PSEN1: variants seen among roughly 807,000 people sequenced by gnomAD.
The protein encoded by PSEN1 is presenilin 1.
Under a neutral mutation model 53.5 loss-of-function variants are expected in PSEN1, and 15 were observed. That is an observed-to-expected ratio of 0.28 (90% CI 0.19 to 0.43). The LOEUF (loss-of-function observed/expected upper bound fraction) is 0.43, where lower values mean the gene tolerates loss of function less well. Ranked by LOEUF, PSEN1 falls within the 20% of genes least tolerant of loss-of-function variation. PSEN1 has a pLI of 1.00. For missense variants in PSEN1, 387 were observed against 571.2 expected, an observed-to-expected ratio of 0.68 and a Z score of 3.29; for synonymous variants, 208 against 209.8, an observed-to-expected ratio of 0.99 and a Z score of 0.08.
Position 73,182,360 on chromosome 14 carries a change from G to A in PSEN1, c.481-4493G>A, listed in dbSNP as rs1330896360. Among the ~76,000 whole-genome samples, 4 of 151,986 alleles carry A rather than the reference G, an allele frequency of 2.6e-5. No individual in the cohort carries two copies. In the East Asian group the frequency reaches 7.7e-4, roughly 29 times the overall value. ...ATTAAAAAATTAGCCAGGCATGGTG[G>A]TGTACCCACGCCTATAGTCCTAGGT... On this transcript the variant is annotated intron_variant, in intron 5 of 11. Transcript: ENST00000324501.
chr14:73,159,982 C>G (rs572666729), intron 3 of PSEN1: 6 of 205,138 alleles, frequency 2.9e-5, no homozygotes, highest in Non-Finnish European at 6.6e-5. Flanking sequence ...TCTATCATGC[C>G]TCGCTAATTT....
At chr14:73,145,610 G>A (rs1318932562) in intron 1 of PSEN1, among the ~76,000 whole-genome samples, 20 of 152,202 alleles carry the variant, frequency 1.3e-4, no homozygotes, top group Admixed American at 1.3e-3. Flanking sequence ...ACAGTGCTGG[G>A]ATTACAGGCA....
intron 7 of PSEN1, chr14:73,197,634 C>T (rs1377645410): frequency 9.9e-6 from 2 of 201,352 alleles, no homozygotes; most frequent in South Asian, 1.7e-4. Flanking sequence ...TAGTTCATAT[C>T]CGTGATTAGT....
intron 9 of PSEN1, among the ~76,000 whole-genome samples, 183 bp downstream of exon 9, chr14:73,206,655 A>G (rs1899467713): frequency 1.3e-5 from 2 of 152,178 alleles, no homozygotes; most frequent in South Asian, 2.1e-4. Context: ...TCAAAACCCA[A>G]CAATACAGTC....
intron 7 of PSEN1, among the ~76,000 whole-genome samples, chr14:73,194,397 C>T (rs1249198858): frequency 6.6e-6 from 1 of 152,030 alleles, no homozygotes; most frequent in Non-Finnish European, 1.5e-5. Flanking sequence ...GATAGAACTA[C>T]AGGCATGCAC....
intron 8 of PSEN1, among the ~76,000 whole-genome samples, chr14:73,198,890 C>T (rs1372826869): frequency 6.6e-6 from 1 of 152,166 alleles, no homozygotes; most frequent in Admixed American, 6.6e-5. Flanking sequence ...CCACCCACCT[C>T]AGCCTCCCGA....
At chr14:73,211,637 G>GC (rs1436109308) in intron 9 of PSEN1, 132 bp from the exon 10 acceptor site, 1 of 907,848 alleles carries the variant, frequency 1.1e-6, no homozygotes, top group Middle Eastern at 2.9e-4. Context: ...AGCAGGCACT[G>GC]CTACAGCCCA....
At chr14:73,182,369 C>T (rs1196033771) in intron 5 of PSEN1, among the ~76,000 whole-genome samples, 1 of 151,770 alleles carries the variant, frequency 6.6e-6, no homozygotes, top group South Asian at 2.1e-4. Context: ...GGTGTACCCA[C>T]GCCTATAGTC....
intron 3 of PSEN1, among the ~76,000 whole-genome samples, chr14:73,148,832 C>G (rs1897141325): frequency 6.6e-6 from 1 of 152,096 alleles, no homozygotes; most frequent in Non-Finnish European, 1.5e-5. Flanking sequence ...ACTCAGGAGG[C>G]TGAGCCAGGA....
chr14:73,214,774 T>C (rs1899843743), intron 10 of PSEN1, among the ~76,000 whole-genome samples: 1 of 151,614 alleles, frequency 6.6e-6, no homozygotes, highest in Non-Finnish European at 1.5e-5. Context: ...TTGCCAGGGG[T>C]TAAGGGGAGG....
chr14:73,209,029 C>T, intron 9 of PSEN1: 1 of 350,646 alleles, frequency 2.9e-6, no homozygotes. Flanking sequence ...CAAGCGCCCG[C>T]ACACCCGGCC....
intron 5 of PSEN1, 39 bp downstream of exon 5, chr14:73,173,746 C>G (rs200192050): frequency 6.2e-7 from 1 of 1,607,390 alleles, no homozygotes; most frequent in Admixed American, 1.7e-5. Context: ...CCACCCTGTT[C>G]TTCTTATGGT....
chr14:73,215,454 A>G (rs1899874487), intron 10 of PSEN1, among the ~76,000 whole-genome samples: 1 of 151,742 alleles, frequency 6.6e-6, no homozygotes, highest in Non-Finnish European at 1.5e-5. Flanking sequence ...GTGGTGGCGC[A>G]TGTCTGTAAT....
chr14:73,140,431 G>A (rs539401985), intron 1 of PSEN1, among the ~76,000 whole-genome samples: 1 of 151,782 alleles, frequency 6.6e-6, no homozygotes, highest in African/African-American at 2.4e-5. Flanking sequence ...GGCTGGTCTC[G>A]AACTCCTGAC....
intron 3 of PSEN1, among the ~76,000 whole-genome samples, chr14:73,151,878 T>TTTTATATATATATATATATATATATATA (rs1321315363): frequency 1.2e-4 from 7 of 56,926 alleles, no homozygotes; most frequent in African/African-American, 6.4e-4. Context: ...CTAAAATATT[T>TTTTATATATATATATATATATATATATA]TATATATATA....
chr14:73,191,380 T>G (rs1898707589), intron 6 of PSEN1, among the ~76,000 whole-genome samples: 2 of 152,042 alleles, frequency 1.3e-5, no homozygotes, highest in South Asian at 4.2e-4. Flanking sequence ...AATGTATTTG[T>G]ATATATGTGT....
chr14:73,160,023 C>T, intron 3 of PSEN1: 1 of 240,960 alleles, frequency 4.2e-6, no homozygotes. Flanking sequence ...GAGTTCTCGC[C>T]ATATTGGCCA....
chr14:73,174,840 A>T (rs1471079795), intron 5 of PSEN1, among the ~76,000 whole-genome samples: 1 of 152,144 alleles, frequency 6.6e-6, no homozygotes, highest in Non-Finnish European at 1.5e-5. Flanking sequence ...CAGGAAAGAT[A>T]CAGACCCACC....
intron 3 of PSEN1, among the ~76,000 whole-genome samples, chr14:73,161,779 T>A (rs549933935): frequency 4.3e-4 from 65 of 152,236 alleles, no homozygotes; most frequent in Non-Finnish European, 7.6e-4. Context: ...GCTGATACTG[T>A]GTGACACAAG....
Sources: allele counts gnomAD v4.1 joint callset (sites outside exome capture counted in the v4.1 genomes callset), GRCh38; gene constraint gnomAD v4.1.1; transcripts MANE v1.5; gene names NCBI Gene and HGNC (gene_info 2026-07-23, HGNC 2026-07-21).